Variants in MACROD2 observed in about 807,000 individuals in gnomAD.
MACROD2 encodes mono-ADP ribosylhydrolase 2, also known as ADP-ribose glycohydrolase MACROD2.
Under a neutral mutation model 70.4 loss-of-function variants are expected in MACROD2, and 36 were observed. The observed-to-expected ratio is 0.51, with a 90% CI of 0.39 to 0.68. The LOEUF (loss-of-function observed/expected upper bound fraction) is 0.68, where lower values mean the gene tolerates loss of function less well. MACROD2 is among the 30% of genes least tolerant of loss of function. The pLI is 0.00. For missense variants in MACROD2, 496 were observed against 538.4 expected, an observed-to-expected ratio of 0.92 and a Z score of 0.78; for synonymous variants, 172 against 178.8, an observed-to-expected ratio of 0.96 and a Z score of 0.30.
At chr20:15,643,658 T>A (rs1458125592) in intron 8 of MACROD2, among the ~76,000 whole-genome samples, 1 of 152,226 alleles carries the variant, frequency 6.6e-6, no homozygotes, top group Non-Finnish European at 1.5e-5. Context: ...TGAATGAATT[T>A]ATAAATACAC....
intron 8 of MACROD2, among the ~76,000 whole-genome samples, chr20:15,697,074 G>T (rs146360903): frequency 0.044 from 6,618 of 151,938 alleles, 285 homozygotes; most frequent in East Asian, 0.21. Context: ...CTGATCTTGG[G>T]TATTTCCTTT....
At chr20:15,575,885 T>C (rs1420439954) in intron 8 of MACROD2, among the ~76,000 whole-genome samples, 1 of 152,172 alleles carries the variant, frequency 6.6e-6, no homozygotes, top group Non-Finnish European at 1.5e-5. Flanking sequence ...TGTTGACTTC[T>C]TAGAAGATAA....
chr20:15,615,356 T>C (rs1480637459), intron 8 of MACROD2, among the ~76,000 whole-genome samples: 2 of 152,196 alleles, frequency 1.3e-5, no homozygotes, highest in Non-Finnish European at 2.9e-5. Context: ...TTCCAGGTTT[T>C]CACAGGGTCA....
intron 3 of MACROD2, among the ~76,000 whole-genome samples, chr20:14,292,587 C>A (rs2082395457): frequency 6.6e-6 from 1 of 151,810 alleles, no homozygotes; most frequent in Non-Finnish European, 1.5e-5. Flanking sequence ...TAAGTATTGA[C>A]CAGATCAGGT....
chr20:15,094,986 C>T (rs1297049123), intron 5 of MACROD2, among the ~76,000 whole-genome samples: 10 of 149,356 alleles, frequency 6.7e-5, no homozygotes, highest in Admixed American at 6.7e-4. Flanking sequence ...GTCTCTGGGT[C>T]ACACTTTCTT....
chr20:15,792,331 C>G (rs2063631766), intron 8 of MACROD2, among the ~76,000 whole-genome samples: 2 of 151,846 alleles, frequency 1.3e-5, no homozygotes, highest in Non-Finnish European at 1.5e-5. Flanking sequence ...ATGAAGGACA[C>G]AAGACACAGA....
At chr20:15,006,613 A>T (rs894173777) in intron 5 of MACROD2, among the ~76,000 whole-genome samples, 9 of 152,174 alleles carry the variant, frequency 5.9e-5, no homozygotes, top group Admixed American at 4.6e-4. Flanking sequence ...GCATATATAT[A>T]TTTTTTATTT....
intron 5 of MACROD2, among the ~76,000 whole-genome samples, chr20:14,980,662 A>G (rs1347382721): frequency 1.3e-5 from 2 of 152,188 alleles, no homozygotes; most frequent in Non-Finnish European, 2.9e-5. Flanking sequence ...GTTTTGCTCT[A>G]GTGACCCTAT....
intron 3 of MACROD2, among the ~76,000 whole-genome samples, chr20:14,439,405 T>C (rs74179740): frequency 0.16 from 23,589 of 152,150 alleles, 2,599 homozygotes; most frequent in Non-Finnish European, 0.22. Flanking sequence ...TTAAAAAATA[T>C]CCTATTAAGT....
At chr20:15,136,572 T>G (rs916268542) in intron 5 of MACROD2, among the ~76,000 whole-genome samples, 2 of 152,128 alleles carry the variant, frequency 1.3e-5, no homozygotes, top group Non-Finnish European at 2.9e-5. Context: ...CAAGATGGAT[T>G]AAAGACTTAA....
chr20:14,522,383 T>C (rs978551712), intron 4 of MACROD2, among the ~76,000 whole-genome samples: 1 of 151,940 alleles, frequency 6.6e-6, no homozygotes, highest in Admixed American at 6.5e-5. Flanking sequence ...CAAGCAGAAA[T>C]GTAAAGCTGA....
intron 4 of MACROD2, among the ~76,000 whole-genome samples, chr20:14,682,960 A>G (rs1346466587): frequency 6.6e-6 from 1 of 151,796 alleles, no homozygotes; most frequent in African/African-American, 2.4e-5. Context: ...GCTCACTGCA[A>G]CCTCCGCCTC....
At chr20:16,018,342 A>G (rs918657649) in intron 15 of MACROD2, among the ~76,000 whole-genome samples, 1 of 152,094 alleles carries the variant, frequency 6.6e-6, no homozygotes, top group Non-Finnish European at 1.5e-5. Context: ...CTAAAAAATG[A>G]TGTTACTGAT....
chr20:14,812,223 T>C (rs1037720615), intron 5 of MACROD2, among the ~76,000 whole-genome samples: 1 of 152,102 alleles, frequency 6.6e-6, no homozygotes, highest in African/African-American at 2.4e-5. Context: ...GTGGTACATA[T>C]ACACCATGGA....
chr20:14,484,109 T>TA (rs199957653), intron 3 of MACROD2, among the ~76,000 whole-genome samples: 8,129 of 152,252 alleles, frequency 0.053, 323 homozygotes, highest in Non-Finnish European at 0.082. Flanking sequence ...TTTACAAACA[T>TA]AGAATAATAC....
chr20:15,484,809 G>A (rs996072659), intron 7 of MACROD2, among the ~76,000 whole-genome samples: 1 of 152,140 alleles, frequency 6.6e-6, no homozygotes, highest in African/African-American at 2.4e-5. Context: ...TCCACATGGA[G>A]CCTCTAGTAA....
At chr20:15,967,180 A>G (rs2066152665) in intron 12 of MACROD2, among the ~76,000 whole-genome samples, 2 of 152,318 alleles carry the variant, frequency 1.3e-5, no homozygotes, top group African/African-American at 4.8e-5. Flanking sequence ...GAGCAACCAC[A>G]GTAATGGAAG....
At chr20:15,675,223 T>G (rs546724342) in intron 8 of MACROD2, among the ~76,000 whole-genome samples, 3 of 152,242 alleles carry the variant, frequency 2.0e-5, no homozygotes, top group Non-Finnish European at 4.4e-5. Flanking sequence ...TTCTGAAAAC[T>G]ATGGCACACA....
rs138158147 is a variant in MACROD2, at chr20:15,956,595, A to C, written c.908-10958A>C. On this transcript the variant is annotated intron_variant, in intron 12 of 17. Transcript: ENST00000684519. The stretch of plus-strand genomic sequence containing the variant: ...TTAGACACAAAAACGAAATGCATAC[A>C]GATAGATACAAATTCAGTATATGCT... Among the ~76,000 whole-genome samples, 675 of 152,312 alleles carry C rather than the reference A, an allele frequency of 4.4e-3. 1 individual carries two copies. Among genetic ancestry groups the C allele is most frequent in the Middle Eastern group, 0.01 (3 of 294 alleles).
Sources: gnomAD v4.1 joint callset for allele counts (sites outside exome capture counted in the v4.1 genomes callset) on GRCh38, gnomAD v4.1.1 for gene constraint, MANE v1.5 for transcripts, NCBI Gene and HGNC (gene_info 2026-07-23, HGNC 2026-07-21) for gene names.